The following DICER1 variants were observed in gnomAD, a reference collection of about 807,000 sequenced individuals.
The protein encoded by DICER1 is dicer 1, ribonuclease III, also known as endoribonuclease Dicer.
In DICER1, 43 loss-of-function variants were observed where a neutral mutation model predicts 194.1. That is an observed-to-expected ratio of 0.22 (90% CI 0.17 to 0.29). The LOEUF is 0.29. DICER1 is among the 10% of genes least tolerant of loss of function. The probability of loss-of-function intolerance (pLI) is 1.00; values close to 1 mark genes in which losing one functional copy is unlikely to be tolerated. For synonymous variants in DICER1, 832 were observed against 820.5 expected (o/e 1.01, Z -0.24); for missense variants, 1,608 against 2,317.0 (o/e 0.69, Z 6.28).
chr14:95,127,538 G>A (rs1187763172), intron 6 of DICER1, among the ~76,000 whole-genome samples: 1 of 152,226 alleles, frequency 6.6e-6, no homozygotes, highest in Non-Finnish European at 1.5e-5. Flanking sequence ...CTTACAGCTT[G>A]AAGGTAATTT....
At position 95,147,548 on chromosome 14, in the gene DICER1, T is replaced by C. The variant is rs536647484; in HGVS notation, c.-46+9682A>G. ...AGTGGGAAAAAACACACACAAACTG[T>C]TTTTCCTTTGTTCTCACACACCACA... On this transcript the variant is annotated intron_variant, in intron 1 of 26. Transcript: ENST00000343455. 1.6e-4 allele frequency among the ~76,000 whole-genome samples: 24 copies of C among 152,262 alleles called. 1 individual carries two copies. Among genetic ancestry groups the C allele is most frequent in the South Asian group, 1.0e-3 (5 of 4,826 alleles).
At chr14:95,155,747 A>C (rs1426858355) in intron 1 of DICER1, among the ~76,000 whole-genome samples, 1 of 152,238 alleles carries the variant, frequency 6.6e-6, no homozygotes, top group African/African-American at 2.4e-5. Context: ...GCCGTGAGTA[A>C]ATCTATAAAC....
chr14:95,112,287 G>A (rs373146179), intron 12 of DICER1, 40 bp from the exon 13 acceptor site: 26 of 1,514,088 alleles, frequency 1.7e-5, no homozygotes, highest in Admixed American at 6.7e-5. Flanking sequence ...TATGCACATC[G>A]CTGTATTACC....
chr14:95,096,827 T>TA (rs1332097168), intron 22 of DICER1, 114 bp from the exon 23 acceptor site: 1 of 1,252,068 alleles, frequency 8.0e-7, no homozygotes, highest in Non-Finnish European at 1.1e-6. Context: ...CCACAAATAC[T>TA]AAAAGGCAAC....
At chr14:95,131,093 G>A (rs1218449864) in intron 4 of DICER1, among the ~76,000 whole-genome samples, 2 of 152,014 alleles carry the variant, frequency 1.3e-5, no homozygotes, top group African/African-American at 4.8e-5. Context: ...GCAGTGGCGC[G>A]ATCTCAGCTC....
intron 5 of DICER1, 135 bp from the exon 6 acceptor site, chr14:95,129,767 T>C (rs903282987): frequency 2.3e-6 from 2 of 860,184 alleles, no homozygotes; most frequent in East Asian, 2.7e-5. Context: ...AATGCCACTA[T>C]ACCAAGGACA....
In DICER1 at chr14:95,115,707, G is replaced by A. The variant is rs778668024; in HGVS notation, c.1867C>T (p.Pro623Ser). 5 of 1,613,912 alleles carry A rather than the reference G, an allele frequency of 3.1e-6. No homozygotes were observed. The African/African-American group carries it at 4.0e-5, about 13-fold the overall frequency. Residue 623 changes from proline (P) to serine (S), a missense_variant, in exon 11 of 27, where the codon CCA (proline) becomes TCA (serine). This residue lies in a region of DICER1 where 657 missense variants were observed against 910.1 expected (regional missense o/e 0.72). Transcript: ENST00000343455. ...PYVLRPDDGG[P>S]RVTINTAIGH... The stretch of plus-strand genomic sequence containing the variant: ...ATGGCCGTGTTGATTGTGACTCGTG[G>A]ACCACCATCGTCAGGCCTCAACACA...
In DICER1 at chr14:95,113,261, A is replaced by T; in HGVS notation, c.1908-37T>A. On this transcript the variant is annotated intron_variant, in intron 11 of 26. Transcript: ENST00000343455. ...AAGAAATTCTGAGGCTGAATCTACAACTGAGAAAATATTGATATTTATAAC... is the reference window on the plus strand; with the variant it reads ...AAGAAATTCTGAGGCTGAATCTACATCTGAGAAAATATTGATATTTATAAC... 2 of 1,598,390 alleles carry T rather than the reference A, an allele frequency of 1.3e-6. No homozygotes were observed. The highest frequency in any genetic ancestry group is 1.7e-6 in the Non-Finnish European group (2 of 1,165,858).
chr14:95,110,164 A>T (rs945668733), intron 14 of DICER1, among the ~76,000 whole-genome samples: 8 of 151,364 alleles, frequency 5.3e-5, no homozygotes, highest in East Asian at 1.9e-4. Context: ...TTTCTAAATT[A>T]AAAAAAAACA....
At chr14:95,100,010 C>T in intron 21 of DICER1, 75 bp from the exon 22 acceptor site, 2 of 1,510,728 alleles carry the variant, frequency 1.3e-6, no homozygotes, top group South Asian at 1.1e-5. Context: ...ATTAACATAT[C>T]CTCAGTTAAA....
intron 11 of DICER1, among the ~76,000 whole-genome samples, chr14:95,113,736 A>G (rs1057083855): frequency 2.6e-5 from 4 of 152,240 alleles, no homozygotes; most frequent in African/African-American, 9.6e-5. Flanking sequence ...ACTGAGCAAC[A>G]GCACCAGGGA....
At position 95,093,922 on chromosome 14, in the gene DICER1, A is replaced by C; in HGVS notation, c.5330T>G (p.Leu1777Arg). ...CATTCCTTGCATTTCATTCTTCTCA[A>C]GCTGAAACTGCACAAAGTCATCAAT... Reference protein sequence around the residue: ...HVIDDFVQFQLEKNEMQGMDS... With the variant: ...HVIDDFVQFQREKNEMQGMDS... The change falls in exon 24 of 27, where the codon CTT becomes CGT. Residue 1777 changes from leucine to arginine, a missense_variant. This residue lies in a region of DICER1 where 138 missense variants were observed against 298.3 expected (regional missense o/e 0.46). Transcript: ENST00000343455. 6.2e-7 allele frequency: 1 copy of C among 1,614,172 alleles called. No homozygotes were observed. The highest frequency in any genetic ancestry group is 8.5e-7 in the Non-Finnish European group (1 of 1,180,038).
chr14:95,088,275 A>G lies in DICER1; in HGVS notation c.*2223T>C, dbSNP rs1222044855. 8.6e-6 allele frequency: 2 copies of G among 232,124 alleles called. No individual in the cohort carries two copies. The highest frequency in any genetic ancestry group is 1.7e-5 in the Non-Finnish European group (2 of 117,204). 14.4% of individuals were successfully genotyped at this position (232,124 alleles called of 1,614,324 possible). ...AAAAATACTCTTCTTAAGGTTACAA[A>G]TATATTGAGGCATTTTTCTCCCACT... On this transcript the variant is annotated 3_prime_UTR_variant, in exon 27 of 27. Transcript: ENST00000343455.
In DICER1 at chr14:95,093,976, T is replaced by C. The variant is rs144259142; in HGVS notation, c.5276A>G (p.Lys1759Arg). 91 of 1,614,002 alleles carry C rather than the reference T, an allele frequency of 5.6e-5. No homozygotes were observed. The Middle Eastern group carries it at 8.2e-4, about 15-fold the overall frequency. The part of the protein sequence containing the change: ...AVKYDYHKYF[K>R]AVSPELFHVI... ...ATGGAAGAGCTCAGGAGAGACAGCT[T>C]TGAAGTACTTGTGGTAGTCGTACTT... The change falls in exon 24 of 27, where the codon AAA becomes AGA. Residue 1759 changes from lysine (K) to arginine (R), a missense_variant. Around this residue, in one of 10 missense-constraint regions of DICER1, gnomAD observed 138 missense variants for 298.3 expected, o/e 0.46. Coordinates refer to ENST00000343455, the MANE Select transcript of DICER1 (RefSeq NM_177438.3).
chr14:95,119,145 T>C (rs1420789843), intron 8 of DICER1, among the ~76,000 whole-genome samples: 5 of 152,128 alleles, frequency 3.3e-5, no homozygotes, highest in South Asian at 2.1e-4. Flanking sequence ...AAGCATCAAT[T>C]TGAATATAAT....
intron 22 of DICER1, among the ~76,000 whole-genome samples, chr14:95,097,737 A>T (rs1336581722): frequency 6.6e-6 from 1 of 152,220 alleles, no homozygotes; most frequent in Non-Finnish European, 1.5e-5. Flanking sequence ...GCATTTTTTA[A>T]ATACTACAAA....
At chr14:95,118,305 G>A (rs1185208420) in intron 8 of DICER1, among the ~76,000 whole-genome samples, 6 of 152,154 alleles carry the variant, frequency 3.9e-5, no homozygotes, top group African/African-American at 9.7e-5. Flanking sequence ...TTCCAGCTGC[G>A]ATTTCTTTTC....
At chr14:95,101,404 C>T (rs1890866685) in intron 21 of DICER1, among the ~76,000 whole-genome samples, 1 of 152,130 alleles carries the variant, frequency 6.6e-6, no homozygotes. Flanking sequence ...TATCCTATTG[C>T]CTATGCCACA....
At position 95,108,761 on chromosome 14, in the gene DICER1, T is replaced by C. The variant is rs116718549; in HGVS notation, c.2257-258A>G. Among the ~76,000 whole-genome samples, 1,116 of 152,300 alleles carry C rather than the reference T, an allele frequency of 7.3e-3. 13 individuals carry two copies. The highest frequency in any genetic ancestry group is 0.026 in the African/African-American group (1,080 of 41,578). On this transcript the variant is annotated intron_variant, in intron 14 of 26. Coordinates refer to ENST00000343455, the MANE Select transcript of DICER1 (RefSeq NM_177438.3). ...GACTACATAGCTAATACCAAAATTA[T>C]ACATAAAACAATCCAACACTGTAGG...
Sources: gnomAD v4.1 joint callset for allele counts (sites outside exome capture counted in the v4.1 genomes callset) on GRCh38, gnomAD v4.1.1 for gene constraint, gnomAD v4.1.1 regional missense constraint, MANE v1.5 for transcripts, NCBI Gene and HGNC (gene_info 2026-07-23, HGNC 2026-07-21) for gene names.